The following SLC2A9 variants were observed in gnomAD, a reference collection of about 807,000 sequenced individuals.
The protein encoded by SLC2A9 is solute carrier family 2 member 9.
Under a neutral mutation model 50.6 loss-of-function variants are expected in SLC2A9, and 39 were observed. The ratio of observed to expected loss-of-function variants is 0.77; its 90% CI spans 0.60 to 1.01. The LOEUF (loss-of-function observed/expected upper bound fraction) is 1.01, where lower values mean the gene tolerates loss of function less well. SLC2A9 is among the 50% of genes least tolerant of loss of function. The pLI is 0.00. For synonymous variants in SLC2A9, 324 were observed against 276.9 expected (o/e 1.17, Z -1.69); for missense variants, 686 against 677.6 (o/e 1.01, Z -0.14).
At chr4:9,955,691 T>A (rs1456870825) in intron 5 of SLC2A9, among the ~76,000 whole-genome samples, 1 of 151,912 alleles carries the variant, frequency 6.6e-6, no homozygotes, top group Non-Finnish European at 1.5e-5. Flanking sequence ...TCGTCAAATT[T>A]TTTCTTCTGA....
intron 2 of SLC2A9, among the ~76,000 whole-genome samples, chr4:9,998,048 T>A (rs1332973415): frequency 1.3e-5 from 2 of 152,210 alleles, no homozygotes; most frequent in Non-Finnish European, 2.9e-5. Context: ...CCTGACATCA[T>A]TAGTCAACAG....
intron 6 of SLC2A9, among the ~76,000 whole-genome samples, chr4:9,928,510 T>A (rs976143231): frequency 6.6e-6 from 1 of 152,348 alleles, no homozygotes; most frequent in Admixed American, 6.5e-5. Context: ...GGCAGGCAGA[T>A]CACCCGAGGT....
At chr4:9,850,970 C>A (rs1577526208) in intron 10 of SLC2A9, among the ~76,000 whole-genome samples, 1 of 151,948 alleles carries the variant, frequency 6.6e-6, no homozygotes, top group African/African-American at 2.4e-5. Flanking sequence ...TGCTGGCAAC[C>A]CCACCCCCAC....
At chr4:9,771,487 T>G (rs1242010633) in intron 1 of SLC2A9, 1 of 398,858 alleles carries the variant, frequency 2.5e-6, no homozygotes, top group Admixed American at 4.4e-5. Flanking sequence ...CCAACACAAC[T>G]GCCAAAGAGT....
downstream of SLC2A9, among the ~76,000 whole-genome samples, chr4:9,823,269 T>C (rs1724658108): frequency 6.6e-6 from 1 of 152,154 alleles, no homozygotes. Context: ...GGAGACCTGT[T>C]AATTTGACTA....
intron 10 of SLC2A9, among the ~76,000 whole-genome samples, chr4:9,874,578 A>G (rs1484269004): frequency 1.3e-5 from 2 of 152,176 alleles, no homozygotes; most frequent in African/African-American, 4.8e-5. Context: ...CGGAGTGCAC[A>G]TGTGTGTATG....
intron 8 of SLC2A9, among the ~76,000 whole-genome samples, chr4:9,897,826 T>G (rs575436606): frequency 6.6e-6 from 1 of 152,186 alleles, no homozygotes; most frequent in South Asian, 2.1e-4. Context: ...GGAACTGGGA[T>G]GCAAAGGTTG....
intron 10 of SLC2A9, among the ~76,000 whole-genome samples, chr4:9,876,466 C>G (rs1734338502): frequency 6.6e-6 from 1 of 152,134 alleles, no homozygotes; most frequent in Non-Finnish European, 1.5e-5. Flanking sequence ...TGGTGGCATG[C>G]ACTTGTCCCA....
At chr4:9,972,232 C>T (rs191541193) in intron 5 of SLC2A9, among the ~76,000 whole-genome samples, 292 of 152,278 alleles carry the variant, frequency 1.9e-3, no homozygotes, top group African/African-American at 6.7e-3. Context: ...TCTTATCTGA[C>T]ATAAATGTTC....
At chr4:9,795,445 G>A (rs1170932790), downstream of SLC2A9, among the ~76,000 whole-genome samples, 2 of 152,110 alleles carry the variant, frequency 1.3e-5, no homozygotes, top group Non-Finnish European at 2.9e-5. Flanking sequence ...CCATCCCAGG[G>A]TTTTTCTATT....
At chr4:9,904,999 C>G (rs1740366373) in intron 8 of SLC2A9, among the ~76,000 whole-genome samples, 1 of 152,220 alleles carries the variant, frequency 6.6e-6, no homozygotes, top group African/African-American at 2.4e-5. Context: ...TTCCTGGTCC[C>G]TGTCTCCAGG....
At chr4:9,963,432 G>GT (rs1263014016) in intron 5 of SLC2A9, among the ~76,000 whole-genome samples, 1 of 152,190 alleles carries the variant, frequency 6.6e-6, no homozygotes, top group Non-Finnish European at 1.5e-5. Context: ...CATTGAGGGG[G>GT]TAGCTCAATG....
intron 1 of SLC2A9, among the ~76,000 whole-genome samples, chr4:10,020,008 ACCTTCTTTG>A (rs1383255103): frequency 5.3e-5 from 8 of 151,550 alleles, no homozygotes; most frequent in African/African-American, 1.9e-4. Context: ...TCCGGAAGGC[ACCTTCTTTG>A]CCATCATTTG....
At chr4:9,883,362 G>A (rs759236823) in intron 10 of SLC2A9, among the ~76,000 whole-genome samples, 8 of 152,188 alleles carry the variant, frequency 5.3e-5, no homozygotes, top group East Asian at 1.9e-4. Flanking sequence ...GTCGTGGAAC[G>A]AAAACAGCAT....
At chr4:9,832,262 T>G (rs930563886) in intron 11 of SLC2A9, among the ~76,000 whole-genome samples, 4 of 152,096 alleles carry the variant, frequency 2.6e-5, no homozygotes, top group Non-Finnish European at 5.9e-5. Flanking sequence ...GGTTGGGGGA[T>G]GTGACTCAGA....
chr4:9,809,847 C>G (rs201610705), intron 3 of SLC2A9, among the ~76,000 whole-genome samples: 1 of 149,148 alleles, frequency 6.7e-6, no homozygotes, highest in Non-Finnish European at 1.5e-5. Context: ...AACAAGTTTT[C>G]TTTTCTTTTT....
intron 1 of SLC2A9, among the ~76,000 whole-genome samples, chr4:10,030,489 A>G (rs1437524087): frequency 6.6e-6 from 1 of 152,176 alleles, no homozygotes; most frequent in Non-Finnish European, 1.5e-5. Flanking sequence ...TGGATGTGTC[A>G]ATATAGGTCC....
intron 10 of SLC2A9, among the ~76,000 whole-genome samples, chr4:9,846,862 C>T (rs868597832): frequency 1.3e-5 from 2 of 152,282 alleles, no homozygotes; most frequent in South Asian, 4.1e-4. Context: ...CTAAAGCCCC[C>T]CCAAATGCCT....
intron 10 of SLC2A9, among the ~76,000 whole-genome samples, chr4:9,844,569 GTTC>G (rs934888425): frequency 6.6e-5 from 10 of 152,152 alleles, no homozygotes; most frequent in Non-Finnish European, 1.5e-4. Context: ...AATTATGCAC[GTTC>G]TTCATATGAG....
Sources: allele counts gnomAD v4.1 joint callset (sites outside exome capture counted in the v4.1 genomes callset), GRCh38; gene constraint gnomAD v4.1.1; transcripts MANE v1.5; gene names NCBI Gene and HGNC (gene_info 2026-07-23, HGNC 2026-07-21).